The following SLC38A10 variants were observed in gnomAD, a reference collection of about 807,000 sequenced individuals.
SLC38A10 encodes solute carrier family 38 member 10, also known as Sodium-coupled neutral amino acid transporter 10.
Under a neutral mutation model 81.0 loss-of-function variants are expected in SLC38A10, and 53 were observed. The ratio of observed to expected loss-of-function variants is 0.65; its 90% CI spans 0.53 to 0.82. SLC38A10 has a LOEUF of 0.82. Among genes scored for constraint, SLC38A10 ranks in the 40% least tolerant of loss-of-function variants. The pLI is 0.00. For synonymous variants in SLC38A10, 665 were observed against 655.3 expected, an observed-to-expected ratio of 1.01 and a Z score of -0.23; for missense variants, 1,471 against 1,545.0, an observed-to-expected ratio of 0.95 and a Z score of 0.80.
In SLC38A10 at chr17:81,282,607, G is replaced by A. The variant is rs138958057; in HGVS notation, c.358-275C>T. On this transcript the variant is annotated intron_variant, in intron 4 of 15. Transcript: ENST00000374759. ...AGCAGGACAGCAGCCCCCCTAACAC[G>A]GGAGGCAACACAGTGGCTGTGAGTC... 4.0e-3 allele frequency among the ~76,000 whole-genome samples: 609 copies of A among 152,322 alleles called. 3 individuals are homozygous for A. The highest frequency in any genetic ancestry group is 0.01 in the Middle Eastern group (3 of 294).
chr17:81,252,444 C>G lies in SLC38A10; in HGVS notation c.1696G>C (p.Ala566Pro). Residue 566 changes from alanine (A) to proline (P), a missense_variant, in exon 13 of 16, where the codon GCC (alanine) becomes CCC (proline). By Grantham distance (27) the Ala-to-Pro change is conservative (BLOSUM62 -1). Coordinates refer to ENST00000374759, the MANE Select transcript of SLC38A10 (RefSeq NM_001037984.3). ...EVGKRPGQAQ[A>P]LEEAGDLPED... Reference sequence around the variant, plus strand: ...GGAAGATCACCCGCCTCCTCCAAGGCCTGGGCCTGTCCAGGCCTCTTCCCA... The same window carrying G: ...GGAAGATCACCCGCCTCCTCCAAGGGCTGGGCCTGTCCAGGCCTCTTCCCA... 1 of 1,613,322 alleles carries G rather than the reference C, an allele frequency of 6.2e-7. No individual in the cohort carries two copies. The highest frequency in any genetic ancestry group is 8.5e-7 in the Non-Finnish European group (1 of 1,180,026).
chr17:81,260,076 C>T (rs994911374), intron 11 of SLC38A10, among the ~76,000 whole-genome samples, 162 bp downstream of exon 11: 10 of 152,214 alleles, frequency 6.6e-5, no homozygotes, highest in African/African-American at 2.4e-4. Context: ...AGCCATGGTG[C>T]ACAGAGCATG....
At chr17:81,252,896 G>A (rs1200852476) in intron 12 of SLC38A10, among the ~76,000 whole-genome samples, 177 bp downstream of exon 12, 4 of 152,200 alleles carry the variant, frequency 2.6e-5, no homozygotes, top group Non-Finnish European at 5.9e-5. Context: ...GCTCTGGGAG[G>A]GGCAGGACAT....
In SLC38A10 at chr17:81,286,459, C is replaced by T. The variant is rs2063267976; in HGVS notation, c.218-1564G>A. 6.6e-6 allele frequency among the ~76,000 whole-genome samples: 1 copy of T among 152,204 alleles called. No individual in the cohort carries two copies. Among genetic ancestry groups the T allele is most frequent in the Non-Finnish European group, 1.5e-5 (1 of 68,040 alleles). On this transcript the variant is annotated intron_variant, in intron 2 of 15. Coordinates refer to ENST00000374759, the MANE Select transcript of SLC38A10 (RefSeq NM_001037984.3). The surrounding 1 kb of genome is among the most constrained non-coding windows in gnomAD (Gnocchi z 6.0). Reference sequence around the variant, plus strand: ...GGGCCAAACCCTCACCCGCCATTCCCAGTGTCAATCCCTCGGCAACTTCTC... The same window carrying T: ...GGGCCAAACCCTCACCCGCCATTCCTAGTGTCAATCCCTCGGCAACTTCTC...
At chr17:81,251,096 T>G in intron 14 of SLC38A10, 1 of 1,496,816 alleles carries the variant, frequency 6.7e-7, no homozygotes, top group Non-Finnish European at 8.9e-7. Flanking sequence ...CCTCCACATC[T>G]GGGTGCAGGC....
In SLC38A10 at chr17:81,276,529, T is replaced by A. The variant is rs1419843720; in HGVS notation, c.730-378A>T. Among the ~76,000 whole-genome samples, 1 of 152,004 alleles carries A rather than the reference T, an allele frequency of 6.6e-6. No homozygotes were observed. Among genetic ancestry groups the A allele is most frequent in the Non-Finnish European group, 1.5e-5 (1 of 68,000 alleles). On this transcript the variant is annotated intron_variant, in intron 7 of 15. Transcript: ENST00000374759. This position sits in a 1 kb window ranked among gnomAD's most constrained non-coding sequence, Gnocchi z 4.7. ...GCCTCAGCCTCCCGAGTAGCCGGGT[T>A]TACATGCACGTGCCACCATGCCCAG...
At chr17:81,278,722 G>A (rs1271891896) in intron 6 of SLC38A10, among the ~76,000 whole-genome samples, 1 of 152,202 alleles carries the variant, frequency 6.6e-6, no homozygotes, top group African/African-American at 2.4e-5. Flanking sequence ...CGCCACAGCT[G>A]AGTCCACACC....
chr17:81,275,995 G>C lies in SLC38A10; in HGVS notation c.886C>G (p.Leu296Val), dbSNP rs1378764919. ...PMMILPCRQA[L>V]STLLCEQQQK... ...TGCTGCTCACACAGCAGCGTGCTCA[G>C]GGCCTGCCTGCATGGCAGGATCATC... Residue 296 changes from leucine to valine, a missense_variant, in exon 8 of 16, where the codon CTG becomes GTG. Leu to Val is a conservative substitution (Grantham distance 32, BLOSUM62 1). Transcript: ENST00000374759. 1 of 1,613,554 alleles carries C rather than the reference G, an allele frequency of 6.2e-7. No individual in the cohort carries two copies. Among genetic ancestry groups the C allele is most frequent in the Non-Finnish European group, 8.5e-7 (1 of 1,179,996 alleles).
At chr17:81,259,208 C>T (rs1408578330) in intron 11 of SLC38A10, among the ~76,000 whole-genome samples, 1 of 152,326 alleles carries the variant, frequency 6.6e-6, no homozygotes, top group East Asian at 1.9e-4. Context: ...AAGTGGAGGC[C>T]CCTCCTGGAG....
Position 81,245,435 on chromosome 17 carries a change from G to T in SLC38A10, c.*121C>A. The T allele has an allele frequency of 7.9e-7, 1 of 1,263,712 alleles. No individual in the cohort carries two copies. Among genetic ancestry groups the T allele is most frequent in the Non-Finnish European group, 1.1e-6 (1 of 921,440 alleles). The allele number at this position is 1,263,712 out of a possible 1,614,324, so 78.3% of individuals were successfully genotyped here. A position where few individuals can be genotyped will look rare whatever the true frequency, so the allele number is the denominator to read the frequency against. ...TCACTCACACTTGGTGAGGGCCTCAGACATGAAACCCTGGGGAGAGGCGAG... is the reference window on the plus strand; with the variant it reads ...TCACTCACACTTGGTGAGGGCCTCATACATGAAACCCTGGGGAGAGGCGAG... On this transcript the variant is annotated 3_prime_UTR_variant, in exon 16 of 16. Transcript: ENST00000374759.
rs2062850008 is a variant in SLC38A10, at chr17:81,246,280, G to A, written c.2636C>T (p.Pro879Leu). ...GPEERLAEEFPGQSQDVTGGS... is the reference protein window; with the variant it reads ...GPEERLAEEFLGQSQDVTGGS... ...GCCAGTAACGTCCTGACTTTGCCCA[G>A]GGAATTCCTCTGCGAGGCGCTCCTC... Residue 879 changes from proline to leucine, a missense_variant, in exon 16 of 16, where the codon CCT (proline) becomes CTT (leucine). By Grantham distance (98) the Pro-to-Leu change is moderately conservative (BLOSUM62 -3). Around this residue, in one of 2 missense-constraint regions of SLC38A10, gnomAD observed 751 missense variants for 717.4 expected, o/e 1.05. Coordinates refer to ENST00000374759, the MANE Select transcript of SLC38A10 (RefSeq NM_001037984.3). 1 of 1,612,270 alleles carries A rather than the reference G, an allele frequency of 6.2e-7. No individual in the cohort carries two copies.
intron 14 of SLC38A10, among the ~76,000 whole-genome samples, chr17:81,248,253 G>A (rs141338812): frequency 1.3e-3 from 204 of 152,260 alleles, no homozygotes; most frequent in African/African-American, 4.7e-3. Flanking sequence ...CACCGCACCC[G>A]GCCAAAAGCT....
Position 81,272,516 on chromosome 17 carries a change from C to T in SLC38A10, c.1024G>A (p.Val342Met), listed in dbSNP as rs781577058. ...CAACAGGGCAGCCCTCCCGCCTTACCGTTGGGGATAAGGATGCCACCAACC... is the reference window on the plus strand; with the variant it reads ...CAACAGGGCAGCCCTCCCGCCTTACTGTTGGGGATAAGGATGCCACCAACC... ...TMVGGILIPN[V>M]ETILGLTGAT... The change falls in exon 9 of 16, where the codon GTG (valine) becomes ATG (methionine). Residue 342 changes from valine to methionine, a missense_variant and splice_region_variant. Val to Met is a conservative substitution (Grantham distance 21). Transcript: ENST00000374759. The T allele has an allele frequency of 7.6e-6, 12 of 1,586,314 alleles. No homozygotes were observed. The highest frequency in any genetic ancestry group is 2.3e-5 in the South Asian group (2 of 86,856).
chr17:81,292,966 A>G (rs959854752), intron 1 of SLC38A10, among the ~76,000 whole-genome samples: 2 of 152,152 alleles, frequency 1.3e-5, no homozygotes, highest in Non-Finnish European at 2.9e-5. Context: ...CAACATGGGG[A>G]AACCCTGTCT....
chr17:81,280,558 C>T (rs754496833), intron 6 of SLC38A10, 51 bp downstream of exon 6: 2 of 1,602,052 alleles, frequency 1.2e-6, no homozygotes, highest in Non-Finnish European at 1.7e-6. Context: ...CTCCCAGCAG[C>T]TCGCCCTCCC....
At chr17:81,266,069 G>A (rs1205909375) in intron 10 of SLC38A10, among the ~76,000 whole-genome samples, 3 of 152,186 alleles carry the variant, frequency 2.0e-5, no homozygotes, top group Non-Finnish European at 4.4e-5. Context: ...CTGGGCTAAC[G>A]GGTAAACACT....
rs2063251793 is a variant in SLC38A10 at position 81,285,104 on chromosome 17, A to C, written c.218-209T>G. On this transcript the variant is annotated intron_variant, in intron 2 of 15. Coordinates refer to ENST00000374759, the MANE Select transcript of SLC38A10 (RefSeq NM_001037984.3). Reference sequence around the variant, plus strand: ...AACTACAAGAAACAAAGACAGAGCAAGGGAAGGACAGGAGGCAGGTTCTTC... The same window carrying C: ...AACTACAAGAAACAAAGACAGAGCACGGGAAGGACAGGAGGCAGGTTCTTC... The C allele has an allele frequency of 1.1e-5, 5 of 450,292 alleles. No homozygotes were observed. The South Asian group carries it at 2.3e-4, about 21-fold the overall frequency. 27.9% of individuals were successfully genotyped at this position (450,292 alleles called of 1,614,324 possible).
Position 81,246,913 on chromosome 17 carries a change from C to G in SLC38A10, c.2214G>C (p.Gln738His). 1 of 1,604,306 alleles carries G rather than the reference C, an allele frequency of 6.2e-7. No homozygotes were observed. Among genetic ancestry groups the G allele is most frequent in the Non-Finnish European group, 8.5e-7 (1 of 1,176,334 alleles). The change falls in exon 15 of 16, where the codon CAG (glutamine) becomes CAC (histidine). Residue 738 changes from glutamine to histidine, a missense_variant. Gln to His is a conservative substitution (Grantham distance 24, BLOSUM62 0). This residue lies in a region of SLC38A10 where 751 missense variants were observed against 717.4 expected (regional missense o/e 1.05). Transcript: ENST00000374759. ...EQHKEIHQQR[Q>H]EDEEDKPRQV... ...GCCTGGGTTTATCCTCCTCGTCCTCCTGCCTCTGCTGGTGGATCTCCTTGT... is the reference window on the plus strand; with the variant it reads ...GCCTGGGTTTATCCTCCTCGTCCTCGTGCCTCTGCTGGTGGATCTCCTTGT...
rs1352761499 is a variant in SLC38A10, at chr17:81,253,970, T to A, written c.1289-730A>T. Among the ~76,000 whole-genome samples, 1 of 150,634 alleles carries A rather than the reference T, an allele frequency of 6.6e-6. No individual in the cohort carries two copies. The highest frequency in any genetic ancestry group is 6.6e-5 in the Admixed American group (1 of 15,168). On this transcript the variant is annotated intron_variant, in intron 11 of 15. Coordinates refer to ENST00000374759, the MANE Select transcript of SLC38A10 (RefSeq NM_001037984.3). This position sits in a 1 kb window ranked among gnomAD's most constrained non-coding sequence, Gnocchi z 4.1. ...ATCGTCATCACCACCACCATCTCCA[T>A]CCCCACCACCATCGCTGCATCATTG...
Sources: gnomAD v4.1 joint callset for allele counts (sites outside exome capture counted in the v4.1 genomes callset) on GRCh38, gnomAD v4.1.1 for gene constraint, gnomAD v4.1.1 regional missense constraint, Gnocchi (gnomAD v3.1) non-coding constraint, MANE v1.5 for transcripts, NCBI Gene and HGNC (gene_info 2026-07-23, HGNC 2026-07-21) for gene names.